TJP3: variants seen among roughly 807,000 people sequenced by gnomAD.
The protein encoded by TJP3 is tight junction protein 3, also known as tight junction protein ZO-3.
In TJP3, 85 loss-of-function variants were observed where a neutral mutation model predicts 104.2. The ratio of observed to expected loss-of-function variants is 0.82; its 90% CI spans 0.68 to 0.98. TJP3 has a LOEUF of 0.98. TJP3 is among the 50% of genes least tolerant of loss of function. The pLI is 0.00. For missense variants in TJP3, 1,367 were observed against 1,322.8 expected, an observed-to-expected ratio of 1.03 and a Z score of -0.52; for synonymous variants, 550 against 550.6, an observed-to-expected ratio of 1.00 and a Z score of 0.02.
intron 13 of TJP3, among the ~76,000 whole-genome samples, 167 bp downstream of exon 13, chr19:3,739,301 G>A (rs1344899385): frequency 6.6e-6 from 1 of 152,068 alleles, no homozygotes; most frequent in Admixed American, 6.6e-5. Flanking sequence ...ACCATCCTGG[G>A]CAACATGGTG....
chr19:3,716,909 C>G (rs1456714809), intron 1 of TJP3, among the ~76,000 whole-genome samples: 1 of 142,308 alleles, frequency 7.0e-6, no homozygotes, highest in South Asian at 2.5e-4. Context: ...AGTGATTCTC[C>G]TGCCTCAGCC....
intron 1 of TJP3, among the ~76,000 whole-genome samples, chr19:3,727,674 A>AGG (rs1345390330): frequency 6.6e-6 from 1 of 151,372 alleles, no homozygotes. Flanking sequence ...CTGTGGGTGG[A>AGG]TCAGTTGAGG....
intron 1 of TJP3, among the ~76,000 whole-genome samples, chr19:3,716,271 C>T (rs2036476351): frequency 6.7e-6 from 1 of 148,500 alleles, no homozygotes; most frequent in Non-Finnish European, 1.5e-5. Context: ...CGGGGTTTCA[C>T]CCTGTTGGCC....
chr19:3,720,474 C>G (rs1310445722), intron 1 of TJP3, among the ~76,000 whole-genome samples: 1 of 152,158 alleles, frequency 6.6e-6, no homozygotes, highest in Non-Finnish European at 1.5e-5. Flanking sequence ...AGAGTTTTCT[C>G]TATGCTCTTC....
intron 14 of TJP3, among the ~76,000 whole-genome samples, chr19:3,741,199 C>T (rs1041276824): frequency 1.3e-5 from 2 of 152,060 alleles, no homozygotes; most frequent in African/African-American, 4.8e-5. Flanking sequence ...GACGGGGTTT[C>T]ACCATGTTGG....
intron 1 of TJP3, among the ~76,000 whole-genome samples, chr19:3,722,838 T>A (rs2036554517): frequency 2.2e-5 from 1 of 45,824 alleles, no homozygotes; most frequent in Non-Finnish European, 4.0e-5. Flanking sequence ...TCTGCCATTG[T>A]TCCTGGAGAT....
At position 3,738,996 on chromosome 19, in the gene TJP3, G is replaced by A. The variant is rs558251365; in HGVS notation, c.1493G>A (p.Arg498His). The A allele has an allele frequency of 8.1e-6, 13 of 1,613,234 alleles. No homozygotes were observed. Among genetic ancestry groups the A allele is most frequent in the Admixed American group, 3.3e-5 (2 of 60,002 alleles). The change falls in exon 13 of 21, where the codon CGT becomes CAT. Residue 498 changes from arginine (R) to histidine (H), a missense_variant. Coordinates refer to ENST00000541714, the MANE Select transcript of TJP3 (RefSeq NM_001267560.2). ...CCACCGTCTGGCCTGGGCTTCACCC[G>A]TGGCGACGTCTTCCACGTGCTGGAC... ...PSPPSGLGFT[R>H]GDVFHVLDTL...
intron 1 of TJP3, among the ~76,000 whole-genome samples, chr19:3,723,558 G>T (rs1599146987): frequency 6.6e-6 from 1 of 151,948 alleles, no homozygotes; most frequent in East Asian, 1.9e-4. Context: ...TTGGGAGGCT[G>T]AGGGAGGTGG....
At position 3,733,874 on chromosome 19, in the gene TJP3, C is replaced by T. The variant is rs34246692; in HGVS notation, c.839C>T (p.Pro280Leu). 17 of 1,614,140 alleles carry T rather than the reference C, an allele frequency of 1.1e-5. No individual in the cohort carries two copies. Among genetic ancestry groups the T allele is most frequent in the East Asian group, 2.2e-5 (1 of 44,882 alleles). Residue 280 changes from proline to leucine, a missense_variant, in exon 7 of 21, where the codon CCG becomes CTG. By Grantham distance (98) the Pro-to-Leu change is moderately conservative (BLOSUM62 -3). Coordinates refer to ENST00000541714, the MANE Select transcript of TJP3 (RefSeq NM_001267560.2). ...CGTGGGCAGTTCCTGGTGAACATTC[C>T]GCCTGCTGTCAGTGACAGCGACAGC... ...RDRGQFLVNI[P>L]PAVSDSDSSP...
Position 3,746,787 on chromosome 19 carries a change from C to T in TJP3, c.2233C>T (p.Leu745=), listed in dbSNP as rs1568388646. 3 of 1,609,830 alleles carry T rather than the reference C, an allele frequency of 1.9e-6. No individual in the cohort carries two copies. Among genetic ancestry groups the T allele is most frequent in the Non-Finnish European group, 2.5e-6 (3 of 1,178,096 alleles). Residue 745 remains leucine, a synonymous_variant, in exon 18 of 21, where the codon CTG becomes TTG. Coordinates refer to ENST00000541714, the MANE Select transcript of TJP3 (RefSeq NM_001267560.2). This position sits in a 1 kb window ranked among gnomAD's most constrained non-coding sequence, Gnocchi z 4.1. ...TCCCCTCCCTGCAGCCACCATCCCT[C>T]TGAATGGCACGAGTGACACCTGGTA... ...SSHLFTATIP[L]NGTSDTWYQE...
chr19:3,710,854 A>G (rs916124955), intron 1 of TJP3, among the ~76,000 whole-genome samples: 4 of 152,156 alleles, frequency 2.6e-5, no homozygotes, highest in Admixed American at 6.5e-5. Flanking sequence ...AATGGAGCCA[A>G]TGGCTGCACA....
chr19:3,744,001 A>C lies in TJP3; in HGVS notation c.1906A>C (p.Thr636Pro). ...GGCCGACATTGCTATGCAGAAGTTG[A>C]CTGCTGAGATGCCTGACCAGTTTGA... is the stretch of plus-strand genomic sequence containing the variant. The part of the protein sequence containing the change: ...PVADIAMQKL[T>P]AEMPDQFEIA... Residue 636 changes from threonine (T) to proline (P), a missense_variant, in exon 15 of 21, where the codon ACT (threonine) becomes CCT (proline). Coordinates refer to ENST00000541714, the MANE Select transcript of TJP3 (RefSeq NM_001267560.2). 1 of 1,614,092 alleles carries C rather than the reference A, an allele frequency of 6.2e-7. No individual in the cohort carries two copies. The highest frequency in any genetic ancestry group is 8.5e-7 in the Non-Finnish European group (1 of 1,180,026).
intron 1 of TJP3, among the ~76,000 whole-genome samples, chr19:3,723,806 AAAATAT>A (rs1007827331): frequency 5.7e-4 from 55 of 96,332 alleles, no homozygotes; most frequent in Admixed American, 4.8e-3. Context: ...AGAAAAAAAA[AAAATAT>A]ATATATATAT....
At chr19:3,749,007 C>T (rs1390153414) in intron 19 of TJP3, among the ~76,000 whole-genome samples, 1 of 151,630 alleles carries the variant, frequency 6.6e-6, no homozygotes, top group Non-Finnish European at 1.5e-5. Flanking sequence ...TACAGGTGAG[C>T]ACCACCATGC....
rs1245537263 is a variant in TJP3, at chr19:3,730,587, C to T, written c.494C>T (p.Pro165Leu). 3.1e-6 allele frequency: 5 copies of T among 1,610,268 alleles called. No homozygotes were observed. The highest frequency in any genetic ancestry group is 3.3e-5 in the Admixed American group (2 of 59,982). ...GRAGSHGRRS[P>L]GGGSEANGLA... is the part of the protein sequence containing the mutation. ...GCCGGCAGCCATGGGCGTAGGAGCC[C>T]AGGTGGTGGCTCTGAGGCCAACGGG... is the stretch of plus-strand genomic sequence containing the variant. Residue 165 changes from proline to leucine, a missense_variant, in exon 5 of 21, where the codon CCA becomes CTA. Coordinates refer to ENST00000541714, the MANE Select transcript of TJP3 (RefSeq NM_001267560.2). The surrounding 1 kb of genome is among the most constrained non-coding windows in gnomAD (Gnocchi z 7.3).
intron 11 of TJP3, 87 bp downstream of exon 11, chr19:3,736,408 G>T: frequency 2.2e-6 from 3 of 1,335,820 alleles, no homozygotes; most frequent in Non-Finnish European, 1.9e-6. Flanking sequence ...TCCTCCCCTT[G>T]GGTCCACCTG....
At chr19:3,722,131 T>G (rs2036547912) in intron 1 of TJP3, among the ~76,000 whole-genome samples, 1 of 152,168 alleles carries the variant, frequency 6.6e-6, no homozygotes, top group African/African-American at 2.4e-5. Flanking sequence ...CCATCTCTTC[T>G]GGAGCCTCCT....
rs565843685 is a variant in TJP3 at position 3,721,326 on chromosome 19, C to T, written c.-9-7098C>T. Among the ~76,000 whole-genome samples the T allele has an allele frequency of 2.6e-4, 39 of 152,268 alleles. 1 individual carries two copies. The South Asian group carries it at 8.1e-3, about 32-fold the overall frequency. On this transcript the variant is annotated intron_variant, in intron 1 of 20. Transcript: ENST00000541714. ...TCCACGCCTCTGGCCTCTGGGGCCTCCGGTTCCCCTCTGTGGAATGGGGCA... is the reference window on the plus strand; with the variant it reads ...TCCACGCCTCTGGCCTCTGGGGCCTTCGGTTCCCCTCTGTGGAATGGGGCA...
In TJP3 at chr19:3,748,002, G is replaced by T. The variant is rs371036503; in HGVS notation, c.2531G>T (p.Arg844Leu). 2.5e-6 allele frequency: 4 copies of T among 1,609,366 alleles called. No homozygotes were observed. The highest frequency in any genetic ancestry group is 3.4e-6 in the Non-Finnish European group (4 of 1,178,396). Residue 844 changes from arginine (R) to leucine (L), a missense_variant, in exon 19 of 21, where the codon CGG (arginine) becomes CTG (leucine). Transcript: ENST00000541714. ...GAGCCCCCGGCTCCAGCCCTGGCCC[G>T]GTCCTCGGAGCCCGTGCAGGCAGAT... ...DDEPPAPALARSSEPVQADES... is the reference protein window; with the variant it reads ...DDEPPAPALALSSEPVQADES...
Sources: gnomAD v4.1 joint callset for allele counts (sites outside exome capture counted in the v4.1 genomes callset) on GRCh38, gnomAD v4.1.1 for gene constraint, Gnocchi (gnomAD v3.1) non-coding constraint, MANE v1.5 for transcripts, NCBI Gene and HGNC (gene_info 2026-07-23, HGNC 2026-07-21) for gene names.